The following EYS variants were observed in gnomAD, a reference collection of about 807,000 sequenced individuals.
The protein encoded by EYS is protein eyes shut homolog.
A neutral mutation model predicts 282.1 loss-of-function variants in EYS; 250 were observed. That is an observed-to-expected ratio of 0.89 (90% CI 0.80 to 0.98). The LOEUF (loss-of-function observed/expected upper bound fraction) is 0.98, where lower values mean the gene tolerates loss of function less well. Among genes scored for constraint, EYS ranks in the 50% least tolerant of loss-of-function variants. The pLI, the probability that EYS is intolerant of heterozygous loss-of-function variation, is 0.00. For missense variants in EYS, 4,016 were observed against 3,709.0 expected (o/e 1.08, Z -2.15); for synonymous variants, 1,355 against 1,282.9 (o/e 1.06, Z -1.20).
intron 5 of EYS, among the ~76,000 whole-genome samples, chr6:65,423,797 G>A (rs185060593): frequency 6.6e-6 from 1 of 151,832 alleles, no homozygotes; most frequent in African/African-American, 2.4e-5. Flanking sequence ...ATATTTTCCT[G>A]AGAAATTTAC....
At chr6:65,239,945 C>T (rs902652720) in intron 12 of EYS, among the ~76,000 whole-genome samples, 1 of 151,258 alleles carries the variant, frequency 6.6e-6, no homozygotes, top group Admixed American at 6.6e-5. Context: ...TTTTAAAAAT[C>T]CATGTATTTG....
At chr6:64,453,189 G>A (rs1775424890) in intron 26 of EYS, among the ~76,000 whole-genome samples, 1 of 151,968 alleles carries the variant, frequency 6.6e-6, no homozygotes, top group Admixed American at 6.6e-5. Flanking sequence ...ATCAAAAAGT[G>A]GACGAAGGAT....
intron 22 of EYS, among the ~76,000 whole-genome samples, chr6:64,710,211 T>G (rs186701370): frequency 4.6e-5 from 7 of 152,310 alleles, no homozygotes; most frequent in Admixed American, 4.6e-4. Context: ...AGGTAAGAAT[T>G]AATAGGGTCA....
intron 30 of EYS, among the ~76,000 whole-genome samples, chr6:64,284,857 G>T (rs1332874095): frequency 2.0e-5 from 3 of 152,174 alleles, no homozygotes; most frequent in Non-Finnish European, 4.4e-5. Flanking sequence ...CAGAAGGGAT[G>T]CAGGGCAACA....
intron 12 of EYS, among the ~76,000 whole-genome samples, chr6:65,061,819 G>A (rs1365358422): frequency 6.6e-6 from 1 of 151,816 alleles, no homozygotes. Context: ...CATCATGTAG[G>A]AATCATCCAT....
chr6:64,525,265 A>T (rs1393723051), intron 26 of EYS, among the ~76,000 whole-genome samples: 2 of 151,836 alleles, frequency 1.3e-5, no homozygotes, highest in Admixed American at 1.3e-4. Context: ...CAAGACATGA[A>T]ATCAACCTAA....
chr6:65,310,446 C>A (rs1040844303), intron 11 of EYS, among the ~76,000 whole-genome samples: 5 of 151,886 alleles, frequency 3.3e-5, no homozygotes, highest in Non-Finnish European at 7.4e-5. Context: ...CCTCTGAGTA[C>A]CCACACTCTT....
At chr6:65,065,790 C>T (rs993047398) in intron 12 of EYS, among the ~76,000 whole-genome samples, 4 of 152,126 alleles carry the variant, frequency 2.6e-5, no homozygotes, top group African/African-American at 9.7e-5. Flanking sequence ...GGCAGTTGGC[C>T]TTGTAAATTA....
intron 36 of EYS, among the ~76,000 whole-genome samples, chr6:63,850,725 G>A (rs1233454596): frequency 1.3e-5 from 2 of 152,026 alleles, no homozygotes; most frequent in Non-Finnish European, 2.9e-5. Flanking sequence ...AAGAACATAC[G>A]AAAATATAAA....
intron 26 of EYS, among the ~76,000 whole-genome samples, chr6:64,473,036 AAT>A (rs1246939234): frequency 6.6e-6 from 1 of 152,132 alleles, no homozygotes; most frequent in African/African-American, 2.4e-5. Context: ...TTGATGAAAA[AAT>A]ATGTTTATGA....
chr6:64,902,314 A>G (rs1162978569), intron 17 of EYS, 90 bp downstream of exon 17: 48 of 1,298,328 alleles, frequency 3.7e-5, no homozygotes, highest in Non-Finnish European at 2.1e-6. Context: ...AATAATTATA[A>G]TTGTTGCTTA....
At chr6:64,243,240 A>G (rs1012178330) in intron 30 of EYS, among the ~76,000 whole-genome samples, 2 of 152,162 alleles carry the variant, frequency 1.3e-5, no homozygotes, top group East Asian at 3.9e-4. Context: ...AATACATATC[A>G]TACCCAGATT....
intron 36 of EYS, among the ~76,000 whole-genome samples, chr6:63,840,735 T>TA (rs1402975904): frequency 6.6e-6 from 1 of 152,124 alleles, no homozygotes; most frequent in African/African-American, 2.4e-5. Context: ...GAGAGGGGTC[T>TA]AGTTTCATTT....
At chr6:64,957,786 T>C (rs1160287422) in intron 14 of EYS, among the ~76,000 whole-genome samples, 1 of 152,130 alleles carries the variant, frequency 6.6e-6, no homozygotes, top group East Asian at 1.9e-4. Context: ...CAAAAAAAAT[T>C]AGTGCCTGTA....
intron 36 of EYS, among the ~76,000 whole-genome samples, chr6:63,810,681 T>C (rs1771024837): frequency 6.6e-6 from 1 of 152,210 alleles, no homozygotes; most frequent in South Asian, 2.1e-4. Context: ...GAAAAGCCCA[T>C]GGCTGAAGAA....
chr6:64,979,085 G>A (rs1325430530), intron 14 of EYS, among the ~76,000 whole-genome samples: 1 of 151,768 alleles, frequency 6.6e-6, no homozygotes, highest in Non-Finnish European at 1.5e-5. Flanking sequence ...GTTTTACTGT[G>A]GATGAAATGC....
chr6:64,675,567 T>G (rs985972925), intron 22 of EYS, among the ~76,000 whole-genome samples: 18 of 151,522 alleles, frequency 1.2e-4, no homozygotes, highest in Non-Finnish European at 2.5e-4. Flanking sequence ...ACCTGGGTGG[T>G]TACAGGTGCC....
At chr6:64,337,217 A>G (rs1288645031) in intron 29 of EYS, among the ~76,000 whole-genome samples, 1 of 152,050 alleles carries the variant, frequency 6.6e-6, no homozygotes, top group African/African-American at 2.4e-5. Context: ...GATAAATACA[A>G]TTAATAGACC....
chr6:64,943,737 G>T (rs1769178626), intron 15 of EYS, among the ~76,000 whole-genome samples: 1 of 152,078 alleles, frequency 6.6e-6, no homozygotes, highest in South Asian at 2.1e-4. Flanking sequence ...AATACCCCGT[G>T]TTCATGGCTT....
Sources: gnomAD v4.1 joint callset for allele counts (sites outside exome capture counted in the v4.1 genomes callset) on GRCh38, gnomAD v4.1.1 for gene constraint, MANE v1.5 for transcripts, NCBI Gene and HGNC (gene_info 2026-07-23, HGNC 2026-07-21) for gene names.